The following VPS13B variants were observed in gnomAD, a reference collection of about 807,000 sequenced individuals.
The protein encoded by VPS13B is vacuolar protein sorting 13 homolog B.
Under a neutral mutation model 426.4 loss-of-function variants are expected in VPS13B, and 285 were observed. The observed-to-expected ratio is 0.67, with a 90% CI of 0.61 to 0.74. VPS13B has a LOEUF of 0.74. Ranked by LOEUF, VPS13B falls within the 30% of genes least tolerant of loss-of-function variation. The probability of loss-of-function intolerance (pLI) is 0.00; values close to 1 mark genes in which losing one functional copy is unlikely to be tolerated. For missense variants in VPS13B, 4,537 were observed against 4,782.6 expected, an observed-to-expected ratio of 0.95 and a Z score of 1.51; for synonymous variants, 1,676 against 1,676.4, an observed-to-expected ratio of 1.00 and a Z score of 0.01.
chr8:99,552,782 T>A (rs575202774), intron 30 of VPS13B, among the ~76,000 whole-genome samples: 2 of 152,266 alleles, frequency 1.3e-5, no homozygotes, highest in South Asian at 4.1e-4. Context: ...ACGTCTTGTA[T>A]AACTATAGTA....
intron 30 of VPS13B, among the ~76,000 whole-genome samples, chr8:99,545,712 A>G (rs1372089009): frequency 2.0e-5 from 3 of 152,034 alleles, no homozygotes; most frequent in African/African-American, 7.2e-5. Context: ...TAGGCACTAT[A>G]CACTTAGGAT....
At chr8:99,115,270 GAA>G (rs1847597296) in intron 6 of VPS13B, among the ~76,000 whole-genome samples, 2 of 152,032 alleles carry the variant, frequency 1.3e-5, no homozygotes, top group East Asian at 3.9e-4. Flanking sequence ...AACCTGGAAA[GAA>G]TGATTAGAGT....
At chr8:99,470,828 A>G (rs1156888947) in intron 24 of VPS13B, among the ~76,000 whole-genome samples, 3 of 152,094 alleles carry the variant, frequency 2.0e-5, no homozygotes, top group Non-Finnish European at 4.4e-5. Flanking sequence ...ATAAACCCAA[A>G]GTAACAAACA....
intron 21 of VPS13B, among the ~76,000 whole-genome samples, chr8:99,402,271 C>T (rs758162634): frequency 1.3e-3 from 192 of 152,122 alleles, no homozygotes; most frequent in South Asian, 1.0e-3. Context: ...TTCATGTCCC[C>T]CAGACTCCAG....
chr8:99,087,482 A>G (rs1360064419), intron 3 of VPS13B, among the ~76,000 whole-genome samples: 1 of 150,740 alleles, frequency 6.6e-6, no homozygotes, highest in Non-Finnish European at 1.5e-5. Flanking sequence ...ACTTTCTGAC[A>G]CTCCCCAGTG....
chr8:99,593,732 A>C (rs1826821567), intron 33 of VPS13B, among the ~76,000 whole-genome samples: 1 of 152,142 alleles, frequency 6.6e-6, no homozygotes, highest in Non-Finnish European at 1.5e-5. Flanking sequence ...CAGCCATAAA[A>C]AGGAACAAGA....
intron 33 of VPS13B, among the ~76,000 whole-genome samples, chr8:99,617,770 A>G (rs567100059): frequency 6.6e-6 from 1 of 152,304 alleles, no homozygotes; most frequent in South Asian, 2.1e-4. Context: ...TTTCTAAACA[A>G]TTTTTCCACC....
At chr8:99,105,733 G>T (rs549699927) in intron 5 of VPS13B, among the ~76,000 whole-genome samples, 2 of 152,256 alleles carry the variant, frequency 1.3e-5, no homozygotes, top group Non-Finnish European at 2.9e-5. Context: ...ATTTAATTTA[G>T]TATAGAAGCA....
At chr8:99,672,711 G>A (rs888961116) in intron 35 of VPS13B, among the ~76,000 whole-genome samples, 2 of 152,050 alleles carry the variant, frequency 1.3e-5, no homozygotes, top group Non-Finnish European at 2.9e-5. Flanking sequence ...GGCCATTCTT[G>A]TAGGGTTCTA....
At chr8:99,035,947 C>CT (rs1275146201) in intron 2 of VPS13B, among the ~76,000 whole-genome samples, 1 of 151,912 alleles carries the variant, frequency 6.6e-6, no homozygotes, top group Non-Finnish European at 1.5e-5. Context: ...ATTTGTATAT[C>CT]TTTTTTGTGG....
At chr8:99,215,925 C>T (rs1203556802) in intron 17 of VPS13B, among the ~76,000 whole-genome samples, 3 of 152,190 alleles carry the variant, frequency 2.0e-5, no homozygotes, top group African/African-American at 4.8e-5. Flanking sequence ...CAAAGGATAA[C>T]AGTCTTAGGC....
chr8:99,169,335 C>T (rs764907109), intron 15 of VPS13B, among the ~76,000 whole-genome samples: 17 of 151,804 alleles, frequency 1.1e-4, no homozygotes, highest in Non-Finnish European at 1.8e-4. Flanking sequence ...TTTCATGTAA[C>T]GTGATGTTAT....
intron 8 of VPS13B, among the ~76,000 whole-genome samples, chr8:99,134,365 T>C (rs1588074658): frequency 6.6e-6 from 1 of 152,290 alleles, no homozygotes; most frequent in Middle Eastern, 3.4e-3. Flanking sequence ...GGGACTGTTA[T>C]TGCACACAGC....
At chr8:99,735,444 A>G (rs574286350) in intron 39 of VPS13B, among the ~76,000 whole-genome samples, 5 of 152,300 alleles carry the variant, frequency 3.3e-5, no homozygotes, top group African/African-American at 7.2e-5. Flanking sequence ...ACAGACACAC[A>G]GAGGGGAAGA....
intron 31 of VPS13B, among the ~76,000 whole-genome samples, chr8:99,568,907 G>A (rs1415646464): frequency 6.6e-6 from 1 of 151,462 alleles, no homozygotes; most frequent in Admixed American, 6.6e-5. Flanking sequence ...TGTCTCCCGG[G>A]TTCACGCCAT....
intron 33 of VPS13B, among the ~76,000 whole-genome samples, chr8:99,581,356 A>G (rs959625019): frequency 4.6e-5 from 7 of 152,164 alleles, no homozygotes; most frequent in Non-Finnish European, 8.8e-5. Context: ...TAAAAAGACA[A>G]CTAACACATA....
chr8:99,051,657 C>T (rs1280666620), intron 3 of VPS13B, among the ~76,000 whole-genome samples: 1 of 152,182 alleles, frequency 6.6e-6, no homozygotes, highest in Non-Finnish European at 1.5e-5. Context: ...TCTTCCTACC[C>T]ATGAGCATGC....
intron 22 of VPS13B, among the ~76,000 whole-genome samples, chr8:99,440,206 ACACT>A (rs1247534797): frequency 6.6e-6 from 1 of 152,162 alleles, no homozygotes; most frequent in Admixed American, 6.6e-5. Flanking sequence ...AAATGAAGTA[ACACT>A]CAGTGCAGCT....
intron 2 of VPS13B, among the ~76,000 whole-genome samples, chr8:99,031,048 T>C (rs1003915401): frequency 1.3e-5 from 2 of 152,184 alleles, no homozygotes; most frequent in African/African-American, 4.8e-5. Flanking sequence ...AAAATTAGTT[T>C]TGTTACATGT....
Sources: allele counts gnomAD v4.1 joint callset (sites outside exome capture counted in the v4.1 genomes callset), GRCh38; gene constraint gnomAD v4.1.1; transcripts MANE v1.5; gene names NCBI Gene and HGNC (gene_info 2026-07-23, HGNC 2026-07-21).